Variants in CDKAL1 observed in about 807,000 individuals in gnomAD.
The protein encoded by CDKAL1 is CDKAL1 threonylcarbamoyladenosine tRNA methylthiotransferase.
In CDKAL1, 32 loss-of-function variants were observed where a neutral mutation model predicts 68.2. That is an observed-to-expected ratio of 0.47 (90% CI 0.35 to 0.63). The LOEUF is 0.63. Among genes scored for constraint, CDKAL1 ranks in the 30% least tolerant of loss-of-function variants. The probability of loss-of-function intolerance (pLI) is 0.00; values close to 1 mark genes in which losing one functional copy is unlikely to be tolerated. For missense variants in CDKAL1, 606 were observed against 696.7 expected (o/e 0.87, Z 1.47); for synonymous variants, 234 against 244.3 (o/e 0.96, Z 0.39).
chr6:20,726,491 A>C (rs1178875982), intron 5 of CDKAL1, among the ~76,000 whole-genome samples: 1 of 152,202 alleles, frequency 6.6e-6, no homozygotes, highest in Admixed American at 6.5e-5. Context: ...GCGCATTATA[A>C]ACTTCTTTAA....
intron 12 of CDKAL1, among the ~76,000 whole-genome samples, chr6:21,106,332 A>G (rs1172397525): frequency 6.6e-6 from 1 of 152,232 alleles, no homozygotes; most frequent in Non-Finnish European, 1.5e-5. Context: ...GAAAAAGTAA[A>G]TTTCCGAACA....
intron 10 of CDKAL1, among the ~76,000 whole-genome samples, chr6:20,973,239 C>G (rs947319370): frequency 6.6e-6 from 1 of 152,038 alleles, no homozygotes; most frequent in Non-Finnish European, 1.5e-5. Context: ...ATCATTGTTA[C>G]TATACTGAGA....
chr6:20,852,933 A>G (rs1323161093), intron 9 of CDKAL1, among the ~76,000 whole-genome samples: 1 of 152,216 alleles, frequency 6.6e-6, no homozygotes, highest in East Asian at 1.9e-4. Flanking sequence ...ACTGCAATCC[A>G]GGAGTGGTGA....
intron 10 of CDKAL1, among the ~76,000 whole-genome samples, chr6:20,959,485 T>G (rs1764945335): frequency 6.6e-6 from 1 of 152,084 alleles, no homozygotes; most frequent in Non-Finnish European, 1.5e-5. Context: ...GTACTTATTT[T>G]TTTCTATTAC....
At chr6:20,832,286 A>G (rs750886555) in intron 8 of CDKAL1, among the ~76,000 whole-genome samples, 8 of 152,202 alleles carry the variant, frequency 5.3e-5, no homozygotes, top group Non-Finnish European at 7.4e-5. Flanking sequence ...TCAAATGGCA[A>G]ATTCCAACAA....
chr6:20,805,358 G>C (rs1200884809), intron 8 of CDKAL1, among the ~76,000 whole-genome samples: 2 of 152,116 alleles, frequency 1.3e-5, no homozygotes, highest in Admixed American at 6.5e-5. Context: ...TTGCAATGCT[G>C]GTCAGCACAC....
chr6:21,120,854 C>T (rs559019909), intron 13 of CDKAL1, among the ~76,000 whole-genome samples: 37 of 152,122 alleles, frequency 2.4e-4, no homozygotes, highest in Admixed American at 5.9e-4. Flanking sequence ...TAGACTCTTA[C>T]TGGTGGATCT....
At chr6:21,091,979 C>T (rs1331402956) in intron 12 of CDKAL1, among the ~76,000 whole-genome samples, 1 of 148,344 alleles carries the variant, frequency 6.7e-6, no homozygotes, top group Admixed American at 6.7e-5. Context: ...CTCCGCCTCC[C>T]GGGTTCACGC....
At position 21,065,095 on chromosome 6, in the gene CDKAL1, G is replaced by A. The variant is rs372282978; in HGVS notation, c.1103G>A (p.Gly368Glu). 45 of 1,603,486 alleles carry A rather than the reference G, an allele frequency of 2.8e-5. No homozygotes were observed. Among genetic ancestry groups the A allele is most frequent in the Non-Finnish European group, 3.7e-5 (44 of 1,176,052 alleles). The change falls in exon 12 of 16, where the codon GGA (glycine) becomes GAA (glutamate). Residue 368 changes from glycine (G) to glutamate (E), a missense_variant. Gly to Glu is a moderately conservative substitution (Grantham distance 98). Transcript: ENST00000274695. Reference sequence around the variant, plus strand: ...ACAGATATTATCTGTGGTTTTCCTGGAGAAACAGATCAGGATTTTCAAGAA... The same window carrying A: ...ACAGATATTATCTGTGGTTTTCCTGAAGAAACAGATCAGGATTTTCAAGAA... ...IATDIICGFP[G>E]ETDQDFQETV...
At chr6:21,135,789 A>G in intron 13 of CDKAL1, 1 of 677,972 alleles carries the variant, frequency 1.5e-6, no homozygotes, top group Non-Finnish European at 1.8e-6. Flanking sequence ...TCAAGAGGCC[A>G]GTGCTCCGCT....
At chr6:20,758,678 AT>A in intron 7 of CDKAL1, 35 bp downstream of exon 7, 1 of 1,539,494 alleles carries the variant, frequency 6.5e-7, no homozygotes. Context: ...AGATGTATAT[AT>A]TTTCTGAACT....
chr6:20,541,821 C>T (rs147209286), intron 2 of CDKAL1, among the ~76,000 whole-genome samples: 3,409 of 152,234 alleles, frequency 0.022, 132 homozygotes, highest in African/African-American at 0.076. Context: ...CCACCACGCC[C>T]GGCTAATTTT....
chr6:20,902,806 AG>A (rs1241358554), intron 9 of CDKAL1, among the ~76,000 whole-genome samples: 4 of 152,300 alleles, frequency 2.6e-5, no homozygotes, highest in African/African-American at 7.2e-5. Flanking sequence ...GTTATTGGTA[AG>A]GGGGGTGACG....
At chr6:20,924,403 A>AACTCCTT (rs1763092982) in intron 9 of CDKAL1, among the ~76,000 whole-genome samples, 1 of 151,780 alleles carries the variant, frequency 6.6e-6, no homozygotes, top group Non-Finnish European at 1.5e-5. Flanking sequence ...GCATGTCAAA[A>AACTCCTT]GCCGGCAGGC....
At chr6:21,091,994 C>G (rs1773046228) in intron 12 of CDKAL1, among the ~76,000 whole-genome samples, 1 of 148,714 alleles carries the variant, frequency 6.7e-6, no homozygotes, top group Non-Finnish European at 1.5e-5. Context: ...TCACGCCATT[C>G]TCCTGCCTCA....
chr6:20,576,166 AAAG>A (rs1435348068), intron 4 of CDKAL1, among the ~76,000 whole-genome samples: 5 of 152,200 alleles, frequency 3.3e-5, no homozygotes, highest in African/African-American at 1.2e-4. Context: ...GAGAACTGTA[AAAG>A]AAGAATAAAT....
intron 11 of CDKAL1, among the ~76,000 whole-genome samples, chr6:21,040,145 G>T (rs139916353): frequency 6.6e-6 from 1 of 152,064 alleles, no homozygotes; most frequent in East Asian, 1.9e-4. Context: ...GTGGATAGAC[G>T]GAGATGTAAT....
At chr6:21,118,183 C>A (rs1251865647) in intron 13 of CDKAL1, among the ~76,000 whole-genome samples, 1 of 152,176 alleles carries the variant, frequency 6.6e-6, no homozygotes, top group African/African-American at 2.4e-5. Flanking sequence ...TTCTTTGTAG[C>A]TGAAGTTGTT....
intron 8 of CDKAL1, among the ~76,000 whole-genome samples, chr6:20,839,970 A>G (rs1217660765): frequency 6.6e-6 from 1 of 152,230 alleles, no homozygotes; most frequent in African/African-American, 2.4e-5. Context: ...CTGTTCCTTA[A>G]GAATATTGAG....
Sources: allele counts gnomAD v4.1 joint callset (sites outside exome capture counted in the v4.1 genomes callset), GRCh38; gene constraint gnomAD v4.1.1; transcripts MANE v1.5; gene names NCBI Gene and HGNC (gene_info 2026-07-23, HGNC 2026-07-21).